SEMA6D: variants seen among roughly 807,000 people sequenced by gnomAD.
SEMA6D encodes semaphorin 6D.
In SEMA6D, 35 loss-of-function variants were observed where a neutral mutation model predicts 106.6. The ratio of observed to expected loss-of-function variants is 0.33; its 90% CI spans 0.25 to 0.44. The LOEUF is 0.44. Ranked by LOEUF, SEMA6D falls within the 20% of genes least tolerant of loss-of-function variation. The probability of loss-of-function intolerance (pLI) is 1.00; values close to 1 mark genes in which losing one functional copy is unlikely to be tolerated. For synonymous variants in SEMA6D, 499 were observed against 487.7 expected, an observed-to-expected ratio of 1.02 and a Z score of -0.31; for missense variants, 1,185 against 1,345.9, an observed-to-expected ratio of 0.88 and a Z score of 1.87.
intron 3 of SEMA6D, among the ~76,000 whole-genome samples, chr15:47,535,447 A>G (rs898923840): frequency 6.6e-6 from 1 of 152,132 alleles, no homozygotes; most frequent in Admixed American, 6.6e-5. Context: ...TAACCACCAC[A>G]CAAAACAGCC....
At chr15:47,547,202 G>GA (rs1297507450) in intron 3 of SEMA6D, among the ~76,000 whole-genome samples, 6 of 151,940 alleles carry the variant, frequency 3.9e-5, no homozygotes, top group Non-Finnish European at 7.4e-5. Flanking sequence ...AACATGTAGG[G>GA]AAAAAATGTT....
At chr15:47,675,705 T>A (rs953598750) in intron 4 of SEMA6D, among the ~76,000 whole-genome samples, 14 of 152,244 alleles carry the variant, frequency 9.2e-5, no homozygotes, top group African/African-American at 3.4e-4. Context: ...TTATTTTGTA[T>A]GGCAATTCCA....
intron 4 of SEMA6D, among the ~76,000 whole-genome samples, chr15:47,616,864 A>G (rs1596457756): frequency 6.6e-6 from 1 of 152,182 alleles, no homozygotes; most frequent in African/African-American, 2.4e-5. Flanking sequence ...CAACAGCTCT[A>G]TGACTTCTAG....
intron 4 of SEMA6D, among the ~76,000 whole-genome samples, chr15:47,640,510 T>C (rs966632079): frequency 6.6e-6 from 1 of 152,104 alleles, no homozygotes. Context: ...GCTAGGGAAA[T>C]TGGTGATTCT....
chr15:47,550,117 T>C (rs73390904), intron 3 of SEMA6D, among the ~76,000 whole-genome samples: 3,048 of 152,308 alleles, frequency 0.02, 90 homozygotes, highest in African/African-American at 0.071. Flanking sequence ...GTTTTACTTT[T>C]ATTATATCAT....
intron 1 of SEMA6D, among the ~76,000 whole-genome samples, chr15:47,399,913 A>C (rs1255753019): frequency 6.6e-6 from 1 of 152,224 alleles, no homozygotes; most frequent in Non-Finnish European, 1.5e-5. Flanking sequence ...CCCAGATTTG[A>C]GTAAACACAG....
Position 47,648,163 on chromosome 15 carries a change from A to C in SEMA6D, c.-55+47267A>C, listed in dbSNP as rs547394801. On this transcript the variant is annotated intron_variant, in intron 4 of 19. Transcript: ENST00000558014. ...CAAAATATATACAGCAGGTCCTCAG[A>C]TAACATCATTTTGCTATGATGTTGA... 4.6e-5 allele frequency among the ~76,000 whole-genome samples: 7 copies of C among 152,312 alleles called. No individual in the cohort carries two copies. The South Asian group carries it at 1.5e-3, about 32-fold the overall frequency.
intron 1 of SEMA6D, chr15:47,241,281 G>C (rs1349951): frequency 6.6e-6 from 1 of 151,888 alleles, no homozygotes; most frequent in African/African-American, 2.4e-5. Flanking sequence ...TTGGGGCTTG[G>C]GAATCAGAGT....
chr15:47,621,467 A>AC (rs1300113195), intron 4 of SEMA6D, among the ~76,000 whole-genome samples: 1 of 152,068 alleles, frequency 6.6e-6, no homozygotes, highest in African/African-American at 2.4e-5. Flanking sequence ...CTTCCTTGGC[A>AC]AGGAAGTCTA....
intron 3 of SEMA6D, among the ~76,000 whole-genome samples, chr15:47,584,567 A>G (rs2076305539): frequency 6.6e-6 from 1 of 152,220 alleles, no homozygotes; most frequent in Non-Finnish European, 1.5e-5. Flanking sequence ...GTGTTTGATG[A>G]TCATGAAAGT....
chr15:47,312,134 C>A (rs1014235330), intron 1 of SEMA6D, among the ~76,000 whole-genome samples: 1 of 123,902 alleles, frequency 8.1e-6, no homozygotes, highest in Admixed American at 9.6e-5. Flanking sequence ...TTTGCTTAGG[C>A]GTCTTTCTAG....
At chr15:47,298,283 C>T (rs962661456) in intron 1 of SEMA6D, among the ~76,000 whole-genome samples, 2 of 152,018 alleles carry the variant, frequency 1.3e-5, no homozygotes, top group African/African-American at 4.8e-5. Context: ...CAGTGACCGA[C>T]TTGTAACTTC....
chr15:47,554,119 C>T (rs1007373200), intron 3 of SEMA6D, among the ~76,000 whole-genome samples: 1 of 152,224 alleles, frequency 6.6e-6, no homozygotes, highest in African/African-American at 2.4e-5. Flanking sequence ...TGTCACCACA[C>T]TCTCTGATAA....
At chr15:47,405,988 A>C (rs1005023811) in intron 1 of SEMA6D, among the ~76,000 whole-genome samples, 46 of 152,198 alleles carry the variant, frequency 3.0e-4, no homozygotes, top group African/African-American at 1.1e-3. Context: ...TTCACTCACG[A>C]GGGCCATATG....
At chr15:47,270,613 C>T (rs2034515417) in intron 1 of SEMA6D, among the ~76,000 whole-genome samples, 1 of 152,172 alleles carries the variant, frequency 6.6e-6, no homozygotes, top group Non-Finnish European at 1.5e-5. Flanking sequence ...ACCATGTAGA[C>T]TCTGTAATTA....
At chr15:47,763,650 A>T (rs1285859014) in intron 9 of SEMA6D, among the ~76,000 whole-genome samples, 200 bp from the exon 10 acceptor site, 4 of 152,160 alleles carry the variant, frequency 2.6e-5, no homozygotes, top group African/African-American at 9.7e-5. Flanking sequence ...GCTTAGCAAA[A>T]TAGGAAAGTG....
intron 1 of SEMA6D, among the ~76,000 whole-genome samples, chr15:47,350,400 A>G (rs1013196314): frequency 1.3e-5 from 2 of 152,180 alleles, no homozygotes; most frequent in African/African-American, 4.8e-5. Context: ...TATCTTTGAA[A>G]TTGGATACTC....
At chr15:47,373,374 G>A (rs986021130) in intron 1 of SEMA6D, among the ~76,000 whole-genome samples, 4 of 152,166 alleles carry the variant, frequency 2.6e-5, no homozygotes, top group Non-Finnish European at 5.9e-5. Context: ...AACTAAAAAT[G>A]CAATATACCC....
intron 3 of SEMA6D, among the ~76,000 whole-genome samples, chr15:47,568,574 T>G (rs764066708): frequency 6.6e-5 from 10 of 152,182 alleles, no homozygotes; most frequent in Non-Finnish European, 1.3e-4. Context: ...TTATCTGTAA[T>G]TTTTTACTTC....
Sources: allele counts gnomAD v4.1 joint callset (sites outside exome capture counted in the v4.1 genomes callset), GRCh38; gene constraint gnomAD v4.1.1; transcripts MANE v1.5; gene names NCBI Gene and HGNC (gene_info 2026-07-23, HGNC 2026-07-21).